The following HEMK1 variants were observed in gnomAD, a reference collection of about 807,000 sequenced individuals.
HEMK1 encodes the protein MTRF1L release factor glutamine methyltransferase.
Under a neutral mutation model 47.9 loss-of-function variants are expected in HEMK1, and 36 were observed. The ratio of observed to expected loss-of-function variants is 0.75; its 90% CI spans 0.58 to 0.99. The LOEUF (loss-of-function observed/expected upper bound fraction) is 0.99. Ranked by LOEUF, HEMK1 falls within the 50% of genes least tolerant of loss-of-function variation. The probability of loss-of-function intolerance (pLI) is 0.00; values close to 1 mark genes in which losing one functional copy is unlikely to be tolerated. For missense variants in HEMK1, 383 were observed against 434.5 expected (o/e 0.88, Z 1.05); for synonymous variants, 153 against 165.4 (o/e 0.93, Z 0.57).
rs2031618064 is a variant in HEMK1, at chr3:50,589,700, C to T, written c.*9283C>T. ...TCACCTGAGGTCAGGAGTTCGAGGC[C>T]AGCTTGGCCAACATGGTGAAAATCC... On this transcript the variant is annotated 3_prime_UTR_variant, in exon 11 of 11. Transcript: ENST00000232854. The T allele has an allele frequency of 6.6e-6, 1 of 152,010 alleles. No individual in the cohort carries two copies. Among genetic ancestry groups the T allele is most frequent in the South Asian group, 2.1e-4 (1 of 4,830 alleles). 9.4% of individuals were successfully genotyped at this position (152,010 alleles called of 1,614,324 possible).
rs1361922094 is a variant in HEMK1 at position 50,590,892 on chromosome 3, C to T, written c.*10475C>T. On this transcript the variant is annotated 3_prime_UTR_variant, in exon 11 of 11. Transcript: ENST00000232854. ...GGGGGACCCTGTGCCCCTGAAAGCC[C>T]AGAGTTTCACTGTTTCTGGGTACCT... is the stretch of plus-strand genomic sequence containing the variant. 1 of 152,216 alleles carries T rather than the reference C, an allele frequency of 6.6e-6. No homozygotes were observed. The highest frequency in any genetic ancestry group is 1.5e-5 in the Non-Finnish European group (1 of 68,048). 9.4% of individuals were successfully genotyped at this position (152,216 alleles called of 1,614,324 possible). A position where few individuals can be genotyped will look rare whatever the true frequency, so the allele number is the denominator to read the frequency against.
chr3:50,579,782 C>A, intron 8 of HEMK1, 62 bp from the exon 9 acceptor site: 1 of 1,203,050 alleles, frequency 8.3e-7, no homozygotes, highest in Non-Finnish European at 1.2e-6. Flanking sequence ...CTTGCCCATG[C>A]CCTCCATGCA....
chr3:50,571,301 A>G lies in HEMK1; in HGVS notation c.197A>G (p.Tyr66Cys). 1.2e-6 allele frequency: 2 copies of G among 1,607,484 alleles called. No individual in the cohort carries two copies. Among genetic ancestry groups the G allele is most frequent in the Non-Finnish European group, 8.5e-7 (1 of 1,176,570 alleles). ...GIPEARESSEYIVAHVLGAKT... is the reference protein window; with the variant it reads ...GIPEARESSECIVAHVLGAKT... ...CCTGAGGCCCGGGAATCCAGTGAGT[A>G]CATCGTGGCTCATGTCCTTGGAGCC... The change falls in exon 2 of 11, where the codon TAC (tyrosine) becomes TGC (cysteine). Residue 66 changes from tyrosine to cysteine, a missense_variant. Physicochemically the swap from Tyr to Cys is radical, Grantham distance 194 (BLOSUM62 -2). Coordinates refer to ENST00000232854, the MANE Select transcript of HEMK1 (RefSeq NM_016173.5).
chr3:50,588,458 G>A lies in HEMK1; in HGVS notation c.*8041G>A, dbSNP rs1288698418. ...GCCTCAACCCCCCAGAGGGGCCTCA[G>A]GAGCCAGTTAGGTGCCCCACAGCCA... On this transcript the variant is annotated 3_prime_UTR_variant, in exon 11 of 11. Transcript: ENST00000232854. 6.6e-6 allele frequency: 1 copy of A among 152,270 alleles called. No homozygotes were observed. Among genetic ancestry groups the A allele is most frequent in the Non-Finnish European group, 1.5e-5 (1 of 68,072 alleles). 9.4% of individuals were successfully genotyped at this position (152,270 alleles called of 1,614,324 possible). A position where few individuals can be genotyped will look rare whatever the true frequency, so the allele number is the denominator to read the frequency against.
In HEMK1 at chr3:50,593,445, C is replaced by T. The variant is rs757138111; in HGVS notation, c.*13028C>T. Reference sequence around the variant, plus strand: ...AGCGGAAGGTGGCTTTCAGCTCCCCCCTTCTCATTTTTTCTTACTGTGGCT... The same window carrying T: ...AGCGGAAGGTGGCTTTCAGCTCCCCTCTTCTCATTTTTTCTTACTGTGGCT... On this transcript the variant is annotated 3_prime_UTR_variant, in exon 11 of 11. Coordinates refer to ENST00000232854, the MANE Select transcript of HEMK1 (RefSeq NM_016173.5). 6.6e-6 allele frequency: 1 copy of T among 152,162 alleles called. No individual in the cohort carries two copies. The highest frequency in any genetic ancestry group is 1.5e-5 in the Non-Finnish European group (1 of 68,046). 9.4% of individuals were successfully genotyped at this position (152,162 alleles called of 1,614,324 possible).
In HEMK1 at chr3:50,571,512, C is replaced by T. The variant is rs1380740081; in HGVS notation, c.228+180C>T. On this transcript the variant is annotated intron_variant, in intron 2 of 10. Transcript: ENST00000232854. Reference sequence around the variant, plus strand: ...TGTTGGATGAATGAATATATCTCTGCCTAAGTGTTCTGGGATAGACACCTG... The same window carrying T: ...TGTTGGATGAATGAATATATCTCTGTCTAAGTGTTCTGGGATAGACACCTG... 29 of 679,182 alleles carry T rather than the reference C, an allele frequency of 4.3e-5. No homozygotes were observed. The East Asian group carries it at 7.7e-4, about 18-fold the overall frequency. The allele number at this position is 679,182 out of a possible 1,614,324, so 42.1% of individuals were successfully genotyped here.
Position 50,595,721 on chromosome 3 carries a change from C to T in HEMK1, c.*15304C>T, listed in dbSNP as rs192054087. ...ACTGGTGCTTCTTGGCATTACTTCC[C>T]AAATAATCTATTTGCATTTGGATGC... is the stretch of plus-strand genomic sequence containing the variant. On this transcript the variant is annotated 3_prime_UTR_variant, in exon 11 of 11. Transcript: ENST00000232854. The T allele has an allele frequency of 6.6e-6, 1 of 152,276 alleles. No homozygotes were observed. Among genetic ancestry groups the T allele is most frequent in the East Asian group, 1.9e-4 (1 of 5,178 alleles). 9.4% of individuals were successfully genotyped at this position (152,276 alleles called of 1,614,324 possible). A position where few individuals can be genotyped will look rare whatever the true frequency, so the allele number is the denominator to read the frequency against.
intron 7 of HEMK1, among the ~76,000 whole-genome samples, chr3:50,578,337 C>A (rs2030132565): frequency 6.6e-6 from 1 of 152,196 alleles, no homozygotes; most frequent in Non-Finnish European, 1.5e-5. Context: ...CCCGTGGGAT[C>A]CTTGAGCCTC....
At position 50,583,094 on chromosome 3, in the gene HEMK1, C is replaced by A. The variant is rs907248179; in HGVS notation, c.*2677C>A. On this transcript the variant is annotated 3_prime_UTR_variant, in exon 11 of 11. Transcript: ENST00000232854. ...GATGTGCCCACTGCCCGTGCAGCCTCCTTCAGCCAGAGCCCAGAGCATAGA... is the reference window on the plus strand; with the variant it reads ...GATGTGCCCACTGCCCGTGCAGCCTACTTCAGCCAGAGCCCAGAGCATAGA... 5 of 152,396 alleles carry A rather than the reference C, an allele frequency of 3.3e-5. No individual in the cohort carries two copies. Among genetic ancestry groups the A allele is most frequent in the African/African-American group, 1.2e-4 (5 of 41,448 alleles). 9.4% of individuals were successfully genotyped at this position (152,396 alleles called of 1,614,324 possible). A position where few individuals can be genotyped will look rare whatever the true frequency, so the allele number is the denominator to read the frequency against.
At chr3:50,579,573 C>T (rs570226923) in intron 8 of HEMK1, among the ~76,000 whole-genome samples, 199 of 152,264 alleles carry the variant, frequency 1.3e-3, no homozygotes, top group African/African-American at 4.5e-3. Context: ...GACACTCATG[C>T]CCTGACATGA....
chr3:50,572,648 C>T (rs1261236056), intron 4 of HEMK1, among the ~76,000 whole-genome samples: 1 of 152,222 alleles, frequency 6.6e-6, no homozygotes, highest in Non-Finnish European at 1.5e-5. Flanking sequence ...TCACTGCCCT[C>T]CTGCCATCTC....
In HEMK1 at chr3:50,586,263, T is replaced by A. The variant is rs2031353166; in HGVS notation, c.*5846T>A. The A allele has an allele frequency of 6.6e-6, 1 of 152,250 alleles. No individual in the cohort carries two copies. Among genetic ancestry groups the A allele is most frequent in the African/African-American group, 2.4e-5 (1 of 41,464 alleles). The allele number at this position is 152,250 out of a possible 1,614,324, so 9.4% of individuals were successfully genotyped here. ...AGCTTCAAATTCTAGAGGCCCCTTT[T>A]CTTCCAAAGACTACCTCTCACACAT... On this transcript the variant is annotated 3_prime_UTR_variant, in exon 11 of 11. Transcript: ENST00000232854.
At position 50,594,355 on chromosome 3, in the gene HEMK1, A is replaced by G. The variant is rs191940705; in HGVS notation, c.*13938A>G. The G allele has an allele frequency of 6.6e-6, 1 of 152,372 alleles. No homozygotes were observed. Among genetic ancestry groups the G allele is most frequent in the East Asian group, 1.9e-4 (1 of 5,182 alleles). The allele number at this position is 152,372 out of a possible 1,614,324, so 9.4% of individuals were successfully genotyped here. On this transcript the variant is annotated 3_prime_UTR_variant, in exon 11 of 11. Transcript: ENST00000232854. ...CTACACTGTCATACTGTGGTACCAAAGAAAAATTGACACGGTCCCTACTCA... is the reference window on the plus strand; with the variant it reads ...CTACACTGTCATACTGTGGTACCAAGGAAAAATTGACACGGTCCCTACTCA...
At position 50,583,529 on chromosome 3, in the gene HEMK1, T is replaced by G. The variant is rs2031056007; in HGVS notation, c.*3112T>G. The stretch of plus-strand genomic sequence containing the variant: ...GTAGGCTGTCATCAGAACAAAGGGC[T>G]CCACTGCTGACAAGGTTTGAGAACT... On this transcript the variant is annotated 3_prime_UTR_variant, in exon 11 of 11. Transcript: ENST00000232854. 6.6e-6 allele frequency: 1 copy of G among 152,246 alleles called. No individual in the cohort carries two copies. The highest frequency in any genetic ancestry group is 1.5e-5 in the Non-Finnish European group (1 of 68,080). The allele number at this position is 152,246 out of a possible 1,614,324, so 9.4% of individuals were successfully genotyped here.
At chr3:50,577,784 G>A in intron 6 of HEMK1, 42 bp from the exon 7 acceptor site, 1 of 1,600,924 alleles carries the variant, frequency 6.2e-7, no homozygotes, top group Non-Finnish European at 8.6e-7. Context: ...TGAAGGGTAG[G>A]GGTCTGCCCC....
chr3:50,571,432 C>T (rs542747255), intron 2 of HEMK1, 100 bp downstream of exon 2: 569 of 906,140 alleles, frequency 6.3e-4, no homozygotes, highest in Non-Finnish European at 9.0e-4. Flanking sequence ...TTAGCTGAGA[C>T]TGATGGGATT....
rs748982924 is a variant in HEMK1 at position 50,579,951 on chromosome 3, A to T, written c.866+12A>T. On this transcript the variant is annotated intron_variant, in intron 9 of 10. Coordinates refer to ENST00000232854, the MANE Select transcript of HEMK1 (RefSeq NM_016173.5). ...CTGAAAGACTCTGGGTATGAATGGG[A>T]TGGGTCTCCTAGGTCTGTCCCCAGC... is the stretch of plus-strand genomic sequence containing the variant. The T allele has an allele frequency of 1.9e-6, 3 of 1,606,298 alleles. No individual in the cohort carries two copies. Among genetic ancestry groups the T allele is most frequent in the Middle Eastern group, 1.7e-4 (1 of 6,046 alleles).
rs1575961935 is a variant in HEMK1, at chr3:50,583,342, G to A, written c.*2925G>A. 6.6e-6 allele frequency: 1 copy of A among 152,186 alleles called. No individual in the cohort carries two copies. Among genetic ancestry groups the A allele is most frequent in the African/African-American group, 2.4e-5 (1 of 41,438 alleles). The allele number at this position is 152,186 out of a possible 1,614,324, so 9.4% of individuals were successfully genotyped here. Reference sequence around the variant, plus strand: ...CTCCTTTACCCCCACCTGGACCCTGGGCTATTGGCTGCTCCCAATCCTTGC... The same window carrying A: ...CTCCTTTACCCCCACCTGGACCCTGAGCTATTGGCTGCTCCCAATCCTTGC... On this transcript the variant is annotated 3_prime_UTR_variant, in exon 11 of 11. Coordinates refer to ENST00000232854, the MANE Select transcript of HEMK1 (RefSeq NM_016173.5).
rs748057887 is a variant in HEMK1, at chr3:50,580,226, G to A, written c.977G>A (p.Gly326Glu). ...NLVAVRRDFC[G>E]RPRFLHIRRS... ...GTGGCTGTGCGCAGGGACTTCTGTG[G>A]GAGGTAAGATCCTAGCCCCCTTTAG... The change falls in exon 10 of 11, where the codon GGG becomes GAG. Residue 326 changes from glycine to glutamate, a missense_variant. Gly to Glu is a moderately conservative substitution (Grantham distance 98). Transcript: ENST00000232854. The A allele has an allele frequency of 6.2e-7, 1 of 1,613,860 alleles. No individual in the cohort carries two copies. The highest frequency in any genetic ancestry group is 8.5e-7 in the Non-Finnish European group (1 of 1,179,740).
Sources: allele counts gnomAD v4.1 joint callset (sites outside exome capture counted in the v4.1 genomes callset), GRCh38; gene constraint gnomAD v4.1.1; transcripts MANE v1.5; gene names NCBI Gene and HGNC (gene_info 2026-07-23, HGNC 2026-07-21).